Variants in WDR59 observed in about 807,000 individuals in gnomAD.
WDR59 encodes the protein GATOR2 complex protein WDR59.
WDR59 carries 100 observed loss-of-function variants against 131.2 expected under a neutral mutation model. The observed-to-expected ratio is 0.76, with a 90% CI of 0.65 to 0.90. The LOEUF (loss-of-function observed/expected upper bound fraction) is 0.90. WDR59 is among the 40% of genes least tolerant of loss of function. WDR59 has a pLI of 0.00. For missense variants in WDR59, 1,203 were observed against 1,262.2 expected, an observed-to-expected ratio of 0.95 and a Z score of 0.71; for synonymous variants, 601 against 466.2, an observed-to-expected ratio of 1.29 and a Z score of -3.72.
intron 1 of WDR59, among the ~76,000 whole-genome samples, chr16:74,973,245 A>C (rs2034058233): frequency 6.6e-6 from 1 of 151,952 alleles, no homozygotes; most frequent in African/African-American, 2.4e-5. Flanking sequence ...CTGTCTCAAA[A>C]ACCATAAAAT....
At chr16:74,925,221 G>T (rs2030656476) in intron 8 of WDR59, among the ~76,000 whole-genome samples, 1 of 152,004 alleles carries the variant, frequency 6.6e-6, no homozygotes, top group African/African-American at 2.4e-5. Context: ...TACGTTGAAT[G>T]AAAAAAAGAC....
intron 2 of WDR59, chr16:74,962,953 A>G (rs1180290061): frequency 6.6e-6 from 1 of 152,056 alleles, no homozygotes; most frequent in African/African-American, 2.4e-5. Context: ...AGGAATCTAA[A>G]TTACTCTATT....
chr16:74,967,958 T>C (rs2033840528), intron 1 of WDR59, among the ~76,000 whole-genome samples: 2 of 152,028 alleles, frequency 1.3e-5, no homozygotes, highest in Non-Finnish European at 2.9e-5. Flanking sequence ...AATGGAATAT[T>C]ATTCAGCCTT....
At chr16:74,976,423 G>A (rs142501872) in intron 1 of WDR59, among the ~76,000 whole-genome samples, 218 of 149,856 alleles carry the variant, frequency 1.5e-3, no homozygotes, top group African/African-American at 4.9e-3. Flanking sequence ...GGATACGAAC[G>A]TTTTTCTTTT....
chr16:74,878,159 G>T (rs761341450), intron 25 of WDR59, among the ~76,000 whole-genome samples: 1 of 152,098 alleles, frequency 6.6e-6, no homozygotes, highest in Non-Finnish European at 1.5e-5. Flanking sequence ...AAGAGCTCTC[G>T]TATCTATTAA....
chr16:74,965,968 C>G (rs1309280430), intron 1 of WDR59, 146 bp from the exon 2 acceptor site: 4 of 698,086 alleles, frequency 5.7e-6, no homozygotes, highest in Non-Finnish European at 9.7e-6. Context: ...ATGCTTCTAC[C>G]CACCCACTTC....
At chr16:74,905,247 T>C (rs996737398) in intron 17 of WDR59, among the ~76,000 whole-genome samples, 20 of 150,830 alleles carry the variant, frequency 1.3e-4, no homozygotes, top group Admixed American at 1.3e-3. Flanking sequence ...TGGTGGCGCA[T>C]GCCTATAATC....
intron 10 of WDR59, among the ~76,000 whole-genome samples, 176 bp from the exon 11 acceptor site, chr16:74,918,184 C>G (rs999303697): frequency 2.6e-5 from 4 of 152,212 alleles, no homozygotes; most frequent in Non-Finnish European, 4.4e-5. Flanking sequence ...TAATTTCTAT[C>G]TTTATAGATC....
intron 3 of WDR59, among the ~76,000 whole-genome samples, chr16:74,955,599 A>G (rs987425794): frequency 2.6e-5 from 4 of 151,930 alleles, no homozygotes; most frequent in Non-Finnish European, 5.9e-5. Flanking sequence ...TTAAAGGCAG[A>G]CTCTATTTTG....
chr16:74,874,892 G>GTTTTTTT (rs917317436), intron 25 of WDR59, among the ~76,000 whole-genome samples: 1,613 of 151,200 alleles, frequency 0.011, 24 homozygotes, highest in African/African-American at 0.036. Flanking sequence ...TGCCCAGCCT[G>GTTTTTTT]TTTTTTTTTG....
intron 1 of WDR59, among the ~76,000 whole-genome samples, chr16:74,977,233 G>A (rs760047225): frequency 9.3e-5 from 14 of 150,506 alleles, no homozygotes; most frequent in South Asian, 2.1e-4. Context: ...CAGCGAGATC[G>A]CATCTCAAAA....
chr16:74,962,541 G>C lies in WDR59; in HGVS notation c.104+3232C>G, dbSNP rs913495675. 1.5e-4 allele frequency among the ~76,000 whole-genome samples: 23 copies of C among 151,984 alleles called. 1 individual carries two copies. Among genetic ancestry groups the C allele is most frequent in the Non-Finnish European group, 2.9e-5 (2 of 67,988 alleles). On this transcript the variant is annotated intron_variant, in intron 2 of 25. Coordinates refer to ENST00000262144, the MANE Select transcript of WDR59 (RefSeq NM_030581.4). ...TATTCCTAGGTATTTTATTCTCTTT[G>C]TAACAATTGCGAATGGGAGTTCATT...
intron 25 of WDR59, among the ~76,000 whole-genome samples, chr16:74,882,120 C>G (rs1482313262): frequency 1.3e-5 from 2 of 152,132 alleles, no homozygotes; most frequent in African/African-American, 4.8e-5. Context: ...CTTTGTACAT[C>G]CCACAGAATC....
At chr16:74,916,106 G>C in intron 12 of WDR59, 21 bp downstream of exon 12, 1 of 1,614,196 alleles carries the variant, frequency 6.2e-7, no homozygotes, top group Non-Finnish European at 8.5e-7. Flanking sequence ...CCTTACCTGA[G>C]ACATCAGTTT....
intron 8 of WDR59, among the ~76,000 whole-genome samples, chr16:74,934,814 C>T (rs2031670823): frequency 6.6e-6 from 1 of 151,622 alleles, no homozygotes; most frequent in Non-Finnish European, 1.5e-5. Context: ...ATATACATAT[C>T]TATATAGACA....
intron 18 of WDR59, 191 bp from the exon 19 acceptor site, chr16:74,894,003 A>G (rs1165147926): frequency 1.7e-6 from 1 of 593,280 alleles, no homozygotes; most frequent in Non-Finnish European, 2.8e-6. Context: ...TAACAGGAAA[A>G]TAAGCACCTA....
chr16:74,954,871 T>G (rs1052941784), intron 3 of WDR59, among the ~76,000 whole-genome samples: 1 of 152,182 alleles, frequency 6.6e-6, no homozygotes, highest in African/African-American at 2.4e-5. Context: ...AAAAGGCCAC[T>G]TGTTTTATGA....
chr16:74,920,982 C>T (rs1396521763), intron 10 of WDR59, among the ~76,000 whole-genome samples: 4 of 152,108 alleles, frequency 2.6e-5, no homozygotes, highest in Admixed American at 1.3e-4. Flanking sequence ...TCTTTCTTGA[C>T]CTGCATGGCA....
chr16:74,957,874 G>A (rs2033366320), intron 2 of WDR59, among the ~76,000 whole-genome samples: 1 of 152,142 alleles, frequency 6.6e-6, no homozygotes, highest in Non-Finnish European at 1.5e-5. Flanking sequence ...GCAGAACTCT[G>A]AGGAGAGAAG....
Sources: allele counts gnomAD v4.1 joint callset (sites outside exome capture counted in the v4.1 genomes callset), GRCh38; gene constraint gnomAD v4.1.1; transcripts MANE v1.5; gene names NCBI Gene and HGNC (gene_info 2026-07-23, HGNC 2026-07-21).